ERBIN: variants seen among roughly 807,000 people sequenced by gnomAD.
ERBIN encodes densin-180-like protein.
Under a neutral mutation model 158.4 loss-of-function variants are expected in ERBIN, and 60 were observed. That is an observed-to-expected ratio of 0.38 (90% CI 0.31 to 0.47). ERBIN has a LOEUF of 0.47. Ranked by LOEUF, ERBIN falls within the 20% of genes least tolerant of loss-of-function variation. The pLI is 0.99. For missense variants in ERBIN, 1,610 were observed against 1,648.0 expected, an observed-to-expected ratio of 0.98 and a Z score of 0.40; for synonymous variants, 594 against 557.2, an observed-to-expected ratio of 1.07 and a Z score of -0.93.
chr5:65,957,816 C>T (rs915449504), intron 1 of ERBIN, among the ~76,000 whole-genome samples: 11 of 150,876 alleles, frequency 7.3e-5, no homozygotes, highest in African/African-American at 2.7e-4. Flanking sequence ...CCCCACCTCC[C>T]GGACGGGGCG....
chr5:66,034,040 C>T (rs1405742460), intron 14 of ERBIN, among the ~76,000 whole-genome samples: 3 of 149,782 alleles, frequency 2.0e-5, no homozygotes, highest in African/African-American at 4.9e-5. Context: ...ACCCAGGAGG[C>T]GGACGTTGCA....
intron 21 of ERBIN, among the ~76,000 whole-genome samples, chr5:66,059,099 T>C (rs1365787507): frequency 6.6e-6 from 1 of 152,222 alleles, no homozygotes; most frequent in Admixed American, 6.5e-5. Context: ...TTGATGGGGA[T>C]GGCATTGAAT....
At chr5:65,930,473 A>G (rs1743230213) in intron 1 of ERBIN, among the ~76,000 whole-genome samples, 1 of 152,080 alleles carries the variant, frequency 6.6e-6, no homozygotes, top group African/African-American at 2.4e-5. Context: ...GTGCCCGGCT[A>G]ATTTTTTTGT....
chr5:65,980,296 C>T (rs1358042112), intron 1 of ERBIN, among the ~76,000 whole-genome samples: 14 of 151,930 alleles, frequency 9.2e-5, no homozygotes, highest in Admixed American at 6.6e-4. Flanking sequence ...GGTGCGGTGT[C>T]GGGCGCCTGT....
At chr5:66,010,652 T>G (rs10043522) in intron 4 of ERBIN, among the ~76,000 whole-genome samples, 2,566 of 152,316 alleles carry the variant, frequency 0.017, 71 homozygotes, top group African/African-American at 0.059. Flanking sequence ...TAAAGTTGTT[T>G]ACTTAAAATC....
At chr5:65,996,683 G>T (rs886829962) in intron 4 of ERBIN, among the ~76,000 whole-genome samples, 1 of 152,102 alleles carries the variant, frequency 6.6e-6, no homozygotes, top group Non-Finnish European at 1.5e-5. Context: ...TGGAATTTTG[G>T]TAGGGATTGG....
chr5:65,995,783 T>C (rs1025533176), intron 4 of ERBIN, among the ~76,000 whole-genome samples: 17 of 152,144 alleles, frequency 1.1e-4, no homozygotes, highest in African/African-American at 4.1e-4. Flanking sequence ...TCAGCACTTA[T>C]CTTTAGTCTT....
chr5:65,940,916 C>A (rs1744921245), intron 1 of ERBIN, among the ~76,000 whole-genome samples: 3 of 152,054 alleles, frequency 2.0e-5, no homozygotes, highest in Admixed American at 2.0e-4. Context: ...TGGATGGTTG[C>A]CATGTCTGTG....
chr5:65,978,665 A>G (rs1011452491), intron 1 of ERBIN, among the ~76,000 whole-genome samples: 4 of 152,248 alleles, frequency 2.6e-5, no homozygotes, highest in African/African-American at 4.8e-5. Flanking sequence ...GCATTCAAGA[A>G]TTAGGATCCT....
chr5:66,025,226 G>A (rs1439395448), intron 10 of ERBIN: 1 of 428,072 alleles, frequency 2.3e-6, no homozygotes, highest in Non-Finnish European at 4.2e-6. Context: ...AGACAAAAAA[G>A]TTCCTACTAT....
intron 4 of ERBIN, among the ~76,000 whole-genome samples, chr5:66,009,010 C>G (rs1753911010): frequency 6.6e-6 from 1 of 152,124 alleles, no homozygotes; most frequent in Admixed American, 6.5e-5. Flanking sequence ...TAAAAAAATA[C>G]AAAAATTTTC....
chr5:66,071,083 G>A (rs1235733072), intron 21 of ERBIN, among the ~76,000 whole-genome samples: 1 of 152,162 alleles, frequency 6.6e-6, no homozygotes, highest in Non-Finnish European at 1.5e-5. Flanking sequence ...GCCCTGTGCA[G>A]TGGTTCACAC....
chr5:65,946,134 A>G (rs1745712381), intron 1 of ERBIN, among the ~76,000 whole-genome samples: 1 of 152,176 alleles, frequency 6.6e-6, no homozygotes, highest in Non-Finnish European at 1.5e-5. Flanking sequence ...GGAGGCTGAG[A>G]TGGGCAGCTC....
At chr5:66,030,516 C>G (rs983089360) in intron 14 of ERBIN, among the ~76,000 whole-genome samples, 3 of 151,320 alleles carry the variant, frequency 2.0e-5, no homozygotes, top group Non-Finnish European at 4.4e-5. Flanking sequence ...GACATACCTC[C>G]TGGTCTCGAG....
At chr5:66,076,685 G>C (rs1356435273) in intron 24 of ERBIN, 190 bp from the exon 25 acceptor site, 8 of 606,478 alleles carry the variant, frequency 1.3e-5, no homozygotes, top group Non-Finnish European at 2.3e-5. Context: ...TTACTCTCAA[G>C]AGAAATCACT....
At chr5:66,077,079 A>C (rs1404885758) in intron 25 of ERBIN, 130 bp downstream of exon 25, 1 of 571,588 alleles carries the variant, frequency 1.7e-6, no homozygotes, top group African/African-American at 2.0e-5. Flanking sequence ...TGAACCCGGG[A>C]GGCGGCACTT....
intron 1 of ERBIN, among the ~76,000 whole-genome samples, chr5:65,953,258 A>G (rs1232173563): frequency 6.6e-6 from 1 of 152,226 alleles, no homozygotes; most frequent in Non-Finnish European, 1.5e-5. Context: ...TCTAGTTGGT[A>G]TAGTTTTCCT....
At chr5:66,037,412 G>A (rs1371142060) in intron 14 of ERBIN, among the ~76,000 whole-genome samples, 3 of 152,116 alleles carry the variant, frequency 2.0e-5, no homozygotes, top group African/African-American at 7.2e-5. Context: ...GGGTGGATGA[G>A]GTAGGAGAGA....
chr5:66,057,138 T>G lies in ERBIN; in HGVS notation c.3633+2187T>G, dbSNP rs1759671132. Among the ~76,000 whole-genome samples the G allele has an allele frequency of 2.6e-5, 4 of 152,314 alleles. No homozygotes were observed. The South Asian group carries it at 8.3e-4, about 32-fold the overall frequency. On this transcript the variant is annotated intron_variant, in intron 21 of 25. Transcript: ENST00000284037. ...TTCAAAAAAATTTTTTAAAAAGCAT[T>G]TAGAGAGAATTTTAGTCTTAACAGT...
Sources: allele counts gnomAD v4.1 joint callset (sites outside exome capture counted in the v4.1 genomes callset), GRCh38; gene constraint gnomAD v4.1.1; transcripts MANE v1.5; gene names NCBI Gene and HGNC (gene_info 2026-07-23, HGNC 2026-07-21).